Variants in ARCN1 observed in about 807,000 individuals in gnomAD.
The protein encoded by ARCN1 is coatomer subunit delta.
In ARCN1, 5 loss-of-function variants were observed where a neutral mutation model predicts 60.4. The ratio of observed to expected loss-of-function variants is 0.08; its 90% CI spans 0.04 to 0.17. The LOEUF (loss-of-function observed/expected upper bound fraction) is 0.17. Among genes scored for constraint, ARCN1 ranks in the 10% least tolerant of loss-of-function variants. ARCN1 has a pLI of 1.00. For missense variants in ARCN1, 464 were observed against 626.5 expected, an observed-to-expected ratio of 0.74 and a Z score of 2.77; for synonymous variants, 224 against 220.0, an observed-to-expected ratio of 1.02 and a Z score of -0.16.
At position 118,587,127 on chromosome 11, in the gene ARCN1, C is replaced by G. The variant is rs77241230; in HGVS notation, c.818+2483C>G. 9.8e-5 allele frequency among the ~76,000 whole-genome samples: 15 copies of G among 152,298 alleles called. No individual in the cohort carries two copies. In the East Asian group the frequency reaches 2.9e-3, roughly 29 times the overall value. ...GTAGTTCATCCAGCCAAACGTATGT[C>G]TATTACTGAATATGAATAGATTGTA... is the stretch of plus-strand genomic sequence containing the variant. On this transcript the variant is annotated intron_variant, in intron 5 of 9. Coordinates refer to ENST00000264028, the MANE Select transcript of ARCN1 (RefSeq NM_001655.5).
chr11:118,595,894 C>T (rs1384108687), intron 8 of ARCN1, among the ~76,000 whole-genome samples: 4 of 152,210 alleles, frequency 2.6e-5, no homozygotes, highest in Non-Finnish European at 2.9e-5. Context: ...AGTGAAACCC[C>T]GTCTCTACTA....
chr11:118,597,163 C>T (rs1384526016), intron 8 of ARCN1, among the ~76,000 whole-genome samples: 2 of 152,174 alleles, frequency 1.3e-5, no homozygotes, highest in Non-Finnish European at 2.9e-5. Context: ...GCTGAGATCA[C>T]GCCACTGTAC....
chr11:118,599,381 G>A (rs561904490), intron 9 of ARCN1, among the ~76,000 whole-genome samples: 4 of 151,042 alleles, frequency 2.6e-5, no homozygotes, highest in South Asian at 4.2e-4. Flanking sequence ...GCGAGTCACC[G>A]CGCTCGGCCC....
intron 1 of ARCN1, among the ~76,000 whole-genome samples, chr11:118,578,870 CTCTCTT>C (rs1236302380): frequency 0.047 from 4,115 of 86,710 alleles, 133 homozygotes; most frequent in Middle Eastern, 0.074. Flanking sequence ...AAAACCCCGT[CTCTCTT>C]TTTTTTTTTT....
At chr11:118,584,978 C>G (rs1476507790) in intron 5 of ARCN1, among the ~76,000 whole-genome samples, 1 of 151,640 alleles carries the variant, frequency 6.6e-6, no homozygotes, top group Non-Finnish European at 1.5e-5. Flanking sequence ...GGCGCCCACC[C>G]CTACGCCCGG....
Position 118,581,356 on chromosome 11 carries a change from G to A in ARCN1, c.114G>A (p.Lys38=), listed in dbSNP as rs1555074564. 51 of 1,614,210 alleles carry A rather than the reference G, an allele frequency of 3.2e-5. No homozygotes were observed. The highest frequency in any genetic ancestry group is 4.3e-5 in the Non-Finnish European group (51 of 1,180,038). ...AGGGCTTATTAGCAGCTTTTCCAAA[G>A]CTCATGAACACTGGAAAACAACATA... ...RIEGLLAAFP[K]LMNTGKQHTF... Residue 38 remains lysine, a synonymous_variant, in exon 2 of 10, where the codon AAG becomes AAA. Coordinates refer to ENST00000264028, the MANE Select transcript of ARCN1 (RefSeq NM_001655.5).
At chr11:118,586,156 T>C (rs1378708655) in intron 5 of ARCN1, among the ~76,000 whole-genome samples, 1 of 152,088 alleles carries the variant, frequency 6.6e-6, no homozygotes, top group Non-Finnish European at 1.5e-5. Flanking sequence ...CAGACTGGAG[T>C]GCAATGGCAC....
chr11:118,600,546 T>C, intron 9 of ARCN1, 79 bp from the exon 10 acceptor site: 8 of 883,772 alleles, frequency 9.1e-6, no homozygotes, highest in Non-Finnish European at 1.4e-5. Flanking sequence ...GAAATTGATA[T>C]GTTCTGTAAT....
Position 118,597,884 on chromosome 11 carries a change from C to T in ARCN1, c.1419C>T (p.Val473=), listed in dbSNP as rs1555077464. 5.6e-6 allele frequency: 9 copies of T among 1,614,112 alleles called. No individual in the cohort carries two copies. Among genetic ancestry groups the T allele is most frequent in the Non-Finnish European group, 7.6e-6 (9 of 1,180,038 alleles). The stretch of plus-strand genomic sequence containing the variant: ...TCTTCCCTGTTCAAGTTTCCTTTGT[C>T]TCCAAGAAAAATTACTGTAACATAC... The part of the protein sequence containing the change: ...NDFFPVQVSF[V]SKKNYCNIQV... Residue 473 remains valine (V), a synonymous_variant, in exon 9 of 10, where the codon GTC becomes GTT. Coordinates refer to ENST00000264028, the MANE Select transcript of ARCN1 (RefSeq NM_001655.5).
intron 5 of ARCN1, among the ~76,000 whole-genome samples, chr11:118,587,506 G>A (rs562186787): frequency 5.9e-5 from 9 of 152,064 alleles, no homozygotes; most frequent in Admixed American, 1.3e-4. Flanking sequence ...ATCTAAATGC[G>A]CAATACCTTA....
At chr11:118,596,532 A>G (rs1555077193) in intron 8 of ARCN1, among the ~76,000 whole-genome samples, 1 of 152,244 alleles carries the variant, frequency 6.6e-6, no homozygotes, top group East Asian at 1.9e-4. Context: ...AGGAACATAA[A>G]AGAACCAGGA....
chr11:118,597,139 G>A (rs1339511334), intron 8 of ARCN1, among the ~76,000 whole-genome samples: 2 of 152,152 alleles, frequency 1.3e-5, no homozygotes, highest in African/African-American at 2.4e-5. Flanking sequence ...CTGGGGAGGC[G>A]GAGGTTGCAG....
intron 9 of ARCN1, among the ~76,000 whole-genome samples, chr11:118,600,093 G>A (rs1347691425): frequency 1.3e-5 from 2 of 152,250 alleles, no homozygotes; most frequent in Admixed American, 6.5e-5. Flanking sequence ...TATTGGTGCC[G>A]TTATAGGTAC....
intron 5 of ARCN1, 137 bp downstream of exon 5, chr11:118,584,781 A>G: frequency 2.5e-6 from 2 of 809,854 alleles, no homozygotes; most frequent in Non-Finnish European, 3.6e-6. Context: ...TTCAGAGCAG[A>G]TTCTACATAT....
At chr11:118,585,084 C>A (rs1938748811) in intron 5 of ARCN1, among the ~76,000 whole-genome samples, 1 of 152,110 alleles carries the variant, frequency 6.6e-6, no homozygotes, top group South Asian at 2.1e-4. Context: ...ACTCAGCCTC[C>A]CGAAGTGCTG....
chr11:118,586,189 G>A lies in ARCN1; in HGVS notation c.818+1545G>A, dbSNP rs375789318. Among the ~76,000 whole-genome samples, 18 of 151,952 alleles carry A rather than the reference G, an allele frequency of 1.2e-4. 1 individual carries two copies. The highest frequency in any genetic ancestry group is 7.8e-4 in the East Asian group (4 of 5,138). Reference sequence around the variant, plus strand: ...CACGATCTTGCAACCTCCACCTCCCGGGGTCAAGCAATTCTCCTGCCTCAG... The same window carrying A: ...CACGATCTTGCAACCTCCACCTCCCAGGGTCAAGCAATTCTCCTGCCTCAG... On this transcript the variant is annotated intron_variant, in intron 5 of 9. Coordinates refer to ENST00000264028, the MANE Select transcript of ARCN1 (RefSeq NM_001655.5).
rs1316342106 is a variant in ARCN1, at chr11:118,602,748, C to T, written c.*2034C>T. ...CAGTTTTGTTTGAAAGTTGTTTGTC[C>T]GTATGATTTTTTAAAAGTCAAGTTT... is the stretch of plus-strand genomic sequence containing the variant. On this transcript the variant is annotated 3_prime_UTR_variant, in exon 10 of 10. Coordinates refer to ENST00000264028, the MANE Select transcript of ARCN1 (RefSeq NM_001655.5). The T allele has an allele frequency of 1.3e-5, 2 of 153,586 alleles. No homozygotes were observed. Among genetic ancestry groups the T allele is most frequent in the Admixed American group, 1.3e-4 (2 of 15,266 alleles). 9.5% of individuals were successfully genotyped at this position (153,586 alleles called of 1,614,324 possible). A position where few individuals can be genotyped will look rare whatever the true frequency, so the allele number is the denominator to read the frequency against.
chr11:118,575,269 C>T (rs969079959), intron 1 of ARCN1, among the ~76,000 whole-genome samples: 2 of 152,154 alleles, frequency 1.3e-5, no homozygotes, highest in East Asian at 3.8e-4. Context: ...TGAGCCATGG[C>T]GCCCGGCCCC....
At position 118,601,279 on chromosome 11, in the gene ARCN1, C is replaced by G. The variant is rs565034933; in HGVS notation, c.*565C>G. Reference sequence around the variant, plus strand: ...GTTTCACCGTGTTGCCCAGGCTGGTCGCGAACTCCTGAGCTCAGGCAATCC... The same window carrying G: ...GTTTCACCGTGTTGCCCAGGCTGGTGGCGAACTCCTGAGCTCAGGCAATCC... On this transcript the variant is annotated 3_prime_UTR_variant, in exon 10 of 10. Transcript: ENST00000264028. The G allele has an allele frequency of 2.2e-5, 8 of 363,928 alleles. No individual in the cohort carries two copies. Among genetic ancestry groups the G allele is most frequent in the Non-Finnish European group, 3.7e-5 (7 of 191,264 alleles). 22.5% of individuals were successfully genotyped at this position (363,928 alleles called of 1,614,324 possible).
Sources: allele counts gnomAD v4.1 joint callset (sites outside exome capture counted in the v4.1 genomes callset), GRCh38; gene constraint gnomAD v4.1.1; transcripts MANE v1.5; gene names NCBI Gene and HGNC (gene_info 2026-07-23, HGNC 2026-07-21).